Variants in RASEF observed in about 807,000 individuals in gnomAD.
The protein encoded by RASEF is RAS and EF-hand domain containing.
A neutral mutation model predicts 90.1 loss-of-function variants in RASEF; 68 were observed. The ratio of observed to expected loss-of-function variants is 0.75; its 90% CI spans 0.62 to 0.92. RASEF has a LOEUF of 0.92. Ranked by LOEUF, RASEF falls within the 40% of genes least tolerant of loss-of-function variation. The probability of loss-of-function intolerance (pLI) is 0.00; values close to 1 mark genes in which losing one functional copy is unlikely to be tolerated. For synonymous variants in RASEF, 331 were observed against 345.2 expected (o/e 0.96, Z 0.46); for missense variants, 949 against 937.2 (o/e 1.01, Z -0.16).
At chr9:83,028,097 A>G (rs1316076029) in intron 1 of RASEF, among the ~76,000 whole-genome samples, 1 of 152,236 alleles carries the variant, frequency 6.6e-6, no homozygotes, top group Non-Finnish European at 1.5e-5. Context: ...TGGGCATGAG[A>G]TGATAACTTA....
At chr9:83,026,030 C>T (rs765043491) in intron 1 of RASEF, 109 bp from the exon 2 acceptor site, 34 of 801,356 alleles carry the variant, frequency 4.2e-5, no homozygotes, top group Non-Finnish European at 6.0e-5. Flanking sequence ...GAAAGAAAAA[C>T]CAGCAATCAC....
At chr9:83,147,040 G>GTGTATATATA in the RASEF span, among the ~76,000 whole-genome samples, 122 of 143,714 alleles carry the variant, frequency 8.5e-4, no homozygotes, top group East Asian at 3.7e-3. Flanking sequence ...ATATATATAT[G>GTGTATATATA]TATATATATA....
chr9:83,058,170 G>GTAT (rs1188153043), intron 1 of RASEF, among the ~76,000 whole-genome samples: 1 of 87,564 alleles, frequency 1.1e-5, no homozygotes, highest in Non-Finnish European at 2.3e-5. Flanking sequence ...ATGTATTTAT[G>GTAT]TCTTTTTTTT....
the RASEF span, among the ~76,000 whole-genome samples, chr9:83,168,893 A>T: frequency 6.6e-6 from 1 of 152,124 alleles, no homozygotes; most frequent in African/African-American, 2.4e-5. Flanking sequence ...ATTATTGTTA[A>T]CTATAGTCAC....
At chr9:82,997,155 C>A in intron 13 of RASEF, 29 bp from the exon 14 acceptor site, 3 of 1,371,560 alleles carry the variant, frequency 2.2e-6, no homozygotes, top group South Asian at 2.3e-5. Flanking sequence ...CATCATCAGT[C>A]AGTTTGTGTT....
the RASEF span, among the ~76,000 whole-genome samples, chr9:83,165,940 A>T: frequency 6.6e-6 from 1 of 152,272 alleles, no homozygotes; most frequent in East Asian, 1.9e-4. Context: ...GAAAGACACA[A>T]TCTGTCAAAA....
chr9:82,997,181 T>C, intron 13 of RASEF, 55 bp from the exon 14 acceptor site: 1 of 1,078,438 alleles, frequency 9.3e-7, no homozygotes, highest in South Asian at 1.3e-5. Context: ...ATTCTTCTTC[T>C]CTTTTATGCT....
At chr9:83,023,811 C>A (rs1829486440) in intron 2 of RASEF, among the ~76,000 whole-genome samples, 2 of 152,154 alleles carry the variant, frequency 1.3e-5, no homozygotes, top group South Asian at 4.1e-4. Flanking sequence ...AATTTCCCAC[C>A]TACTTCTTCT....
chr9:83,028,786 G>A (rs1273206875), intron 1 of RASEF, among the ~76,000 whole-genome samples: 1 of 152,146 alleles, frequency 6.6e-6, no homozygotes, highest in African/African-American at 2.4e-5. Flanking sequence ...TATTATCCCA[G>A]TACTTCAGAA....
the RASEF span, among the ~76,000 whole-genome samples, chr9:83,091,086 A>T: frequency 6.6e-6 from 1 of 152,304 alleles, no homozygotes; most frequent in South Asian, 2.1e-4. Flanking sequence ...ACATTCATCC[A>T]GCCAGGTGGT....
At chr9:83,100,726 C>T in the RASEF span, among the ~76,000 whole-genome samples, 3 of 152,154 alleles carry the variant, frequency 2.0e-5, no homozygotes, top group South Asian at 2.1e-4. Flanking sequence ...AATCATTCTG[C>T]CTGCAAATTG....
Position 82,982,513 on chromosome 9 carries a change from A to G in RASEF, c.*164T>C. On this transcript the variant is annotated 3_prime_UTR_variant, in exon 17 of 17. Transcript: ENST00000376447. Reference sequence around the variant, plus strand: ...CACTCACTGAGACAAAACAAAGAAGAGCCAAAGTTCCAGAGGGACCTGAGA... The same window carrying G: ...CACTCACTGAGACAAAACAAAGAAGGGCCAAAGTTCCAGAGGGACCTGAGA... 1 of 559,782 alleles carries G rather than the reference A, an allele frequency of 1.8e-6. No individual in the cohort carries two copies. The highest frequency in any genetic ancestry group is 3.0e-5 in the East Asian group (1 of 33,512). The allele number at this position is 559,782 out of a possible 1,614,324, so 34.7% of individuals were successfully genotyped here.
the RASEF span, among the ~76,000 whole-genome samples, chr9:83,084,324 A>C: frequency 6.6e-6 from 1 of 152,202 alleles, no homozygotes; most frequent in Admixed American, 6.5e-5. Flanking sequence ...GGTTTAATTT[A>C]TATTTAATCA....
chr9:83,075,603 C>T, the RASEF span, among the ~76,000 whole-genome samples: 346 of 152,198 alleles, frequency 2.3e-3, 4 homozygotes, highest in Non-Finnish European at 3.0e-3. Flanking sequence ...TTTCTTCCTA[C>T]GGAAGCCTAT....
At chr9:83,062,362 C>A in intron 1 of RASEF, 75 bp downstream of exon 1, 1 of 1,475,774 alleles carries the variant, frequency 6.8e-7, no homozygotes, top group Non-Finnish European at 9.3e-7. Context: ...ATTGGGTCTG[C>A]ACACCTGCAA....
At chr9:83,009,509 A>G (rs1215769456) in intron 6 of RASEF, 132 bp downstream of exon 6, 1 of 516,428 alleles carries the variant, frequency 1.9e-6, no homozygotes, top group Non-Finnish European at 3.4e-6. Context: ...TACTGAAAAT[A>G]AAATCATTAG....
intron 5 of RASEF, among the ~76,000 whole-genome samples, chr9:83,011,139 G>GT: frequency 6.6e-6 from 1 of 152,222 alleles, no homozygotes; most frequent in African/African-American, 2.4e-5. Context: ...CCGAAATGAG[G>GT]ATGAAACCCT....
the RASEF span, among the ~76,000 whole-genome samples, chr9:83,193,672 G>A: frequency 6.6e-6 from 1 of 152,144 alleles, no homozygotes; most frequent in African/African-American, 2.4e-5. Flanking sequence ...CTTGTTTGTG[G>A]TATTGAATGT....
chr9:83,108,851 G>A, the RASEF span, among the ~76,000 whole-genome samples: 3 of 152,054 alleles, frequency 2.0e-5, no homozygotes, highest in Non-Finnish European at 4.4e-5. Context: ...ATCTCATCCT[G>A]TATCTATCAA....
Sources: allele counts gnomAD v4.1 joint callset (sites outside exome capture counted in the v4.1 genomes callset), GRCh38; gene constraint gnomAD v4.1.1; transcripts MANE v1.5; gene names NCBI Gene and HGNC (gene_info 2026-07-23, HGNC 2026-07-21).